ATF7IP: variants seen among roughly 807,000 people sequenced by gnomAD.
ATF7IP encodes the protein activating transcription factor 7-interacting protein 1.
In ATF7IP, 23 loss-of-function variants were observed where a neutral mutation model predicts 106.4. The ratio of observed to expected loss-of-function variants is 0.22; its 90% CI spans 0.16 to 0.31. ATF7IP has a LOEUF of 0.31. ATF7IP is among the 10% of genes least tolerant of loss of function. ATF7IP has a pLI of 1.00. For missense variants in ATF7IP, 1,334 were observed against 1,524.3 expected (o/e 0.88, Z 2.08); for synonymous variants, 542 against 539.0 (o/e 1.01, Z -0.08).
At chr12:14,494,922 G>T (rs1334913671) in intron 13 of ATF7IP, among the ~76,000 whole-genome samples, 1 of 109,844 alleles carries the variant, frequency 9.1e-6, no homozygotes, top group African/African-American at 3.5e-5. Flanking sequence ...AACAGAGCCA[G>T]ACTCTGTCTC....
intron 5 of ATF7IP, among the ~76,000 whole-genome samples, chr12:14,445,058 C>T (rs1276280659): frequency 7.0e-6 from 1 of 142,126 alleles, no homozygotes; most frequent in Non-Finnish European, 1.5e-5. Flanking sequence ...GTGGTGCGAT[C>T]TCGGCTCACT....
intron 9 of ATF7IP, among the ~76,000 whole-genome samples, chr12:14,465,049 T>A (rs1029336123): frequency 1.3e-5 from 2 of 151,864 alleles, no homozygotes; most frequent in African/African-American, 4.8e-5. Flanking sequence ...AAGCAGGTCT[T>A]TACTAAGTAA....
rs567077220 is a variant in ATF7IP, at chr12:14,425,149, G to A, written c.1234G>A (p.Glu412Lys). Reference sequence around the variant, plus strand: ...TGCAGATCTTGTAGAAACGATTAATGAAAATGTTATTGAAGATAACAAAAG... The same window carrying A: ...TGCAGATCTTGTAGAAACGATTAATAAAAATGTTATTGAAGATAACAAAAG... ...TSADLVETIN[E>K]NVIEDNKSEN... The change falls in exon 2 of 15, where the codon GAA becomes AAA. Residue 412 changes from glutamate to lysine, a missense_variant. This residue lies in a region of ATF7IP where 438 missense variants were observed against 405.3 expected (regional missense o/e 1.08). Transcript: ENST00000261168. The A allele has an allele frequency of 3.5e-5, 55 of 1,593,250 alleles. No individual in the cohort carries two copies. The South Asian group carries it at 6.3e-4, about 18-fold the overall frequency.
chr12:14,432,077 T>C (rs919031434), intron 2 of ATF7IP, among the ~76,000 whole-genome samples: 1 of 152,168 alleles, frequency 6.6e-6, no homozygotes, highest in Non-Finnish European at 1.5e-5. Context: ...TGAAGAAATC[T>C]CAAGCTGAGC....
At chr12:14,402,872 A>G (rs1163809098) in intron 1 of ATF7IP, among the ~76,000 whole-genome samples, 1 of 152,134 alleles carries the variant, frequency 6.6e-6, no homozygotes, top group Non-Finnish European at 1.5e-5. Context: ...TACTAGGATT[A>G]CAGTCATGAG....
chr12:14,393,248 G>C (rs1017571644), intron 1 of ATF7IP, among the ~76,000 whole-genome samples: 1 of 152,128 alleles, frequency 6.6e-6, no homozygotes, highest in Non-Finnish European at 1.5e-5. Flanking sequence ...TATATAATAA[G>C]TGATTTCTTT....
intron 2 of ATF7IP, among the ~76,000 whole-genome samples, chr12:14,428,495 C>T (rs989520223): frequency 1.3e-5 from 2 of 152,110 alleles, no homozygotes; most frequent in African/African-American, 4.8e-5. Flanking sequence ...AAACTGTACT[C>T]TGTTCTCTTT....
chr12:14,463,295 TC>T (rs1264468472), intron 9 of ATF7IP, among the ~76,000 whole-genome samples: 2 of 152,154 alleles, frequency 1.3e-5, no homozygotes, highest in African/African-American at 4.8e-5. Flanking sequence ...GCTAAGTATA[TC>T]CTTATGGATT....
In ATF7IP at chr12:14,439,840, AATCCATCCATCCATCCATCC is replaced by A. The variant is rs34509750; in HGVS notation, c.1929+1602_1929+1621del. 1.7e-4 allele frequency among the ~76,000 whole-genome samples: 26 copies of A among 148,602 alleles called. No homozygotes were observed. In the East Asian group the frequency reaches 3.0e-3, roughly 17 times the overall value. ...AGAGTGAGACTCTGTCTCCAAAATA[AATCCATCCATCCATCCATCC>A]ATCCATCCATCCATCCATCCATCCA... is the stretch of plus-strand genomic sequence containing the variant. On this transcript the variant is annotated intron_variant, in intron 5 of 14. Coordinates refer to ENST00000261168, the MANE Select transcript of ATF7IP (RefSeq NM_018179.5).
chr12:14,468,348 A>C (rs1239567377), intron 10 of ATF7IP, among the ~76,000 whole-genome samples: 2 of 151,814 alleles, frequency 1.3e-5, no homozygotes, highest in African/African-American at 4.8e-5. Flanking sequence ...GATATAATAT[A>C]AGACACTTGA....
intron 1 of ATF7IP, among the ~76,000 whole-genome samples, chr12:14,419,664 G>A (rs1450890861): frequency 6.6e-6 from 1 of 152,046 alleles, no homozygotes; most frequent in African/African-American, 2.4e-5. Flanking sequence ...GCAAAACTTT[G>A]TAATGATGGG....
chr12:14,368,188 T>G (rs1938385427), intron 1 of ATF7IP, among the ~76,000 whole-genome samples: 1 of 152,106 alleles, frequency 6.6e-6, no homozygotes, highest in Non-Finnish European at 1.5e-5. Flanking sequence ...AAATAACCAC[T>G]CTAAAGGTAT....
Position 14,478,346 on chromosome 12 carries a change from T to C in ATF7IP, c.2971T>C (p.Ser991Pro). Residue 991 changes from serine to proline, a missense_variant, in exon 12 of 15, where the codon TCA (serine) becomes CCA (proline). By Grantham distance (74) the Ser-to-Pro change is moderately conservative. This residue lies in a region of ATF7IP where 370 missense variants were observed against 401.2 expected (regional missense o/e 0.92). Coordinates refer to ENST00000261168, the MANE Select transcript of ATF7IP (RefSeq NM_018179.5). ...DPKKLNHTPV[S>P]TMSSSQPVSR... is the part of the protein sequence containing the mutation. Reference sequence around the variant, plus strand: ...CAAAAAACTAAATCACACTCCTGTATCAACCATGAGTTCTTCTCAGCCTGT... The same window carrying C: ...CAAAAAACTAAATCACACTCCTGTACCAACCATGAGTTCTTCTCAGCCTGT... 1.2e-6 allele frequency: 2 copies of C among 1,614,040 alleles called. No individual in the cohort carries two copies. The highest frequency in any genetic ancestry group is 1.7e-6 in the Non-Finnish European group (2 of 1,179,926).
chr12:14,424,057 C>T lies in ATF7IP; in HGVS notation c.142C>T (p.His48Tyr). 3 of 1,614,076 alleles carry T rather than the reference C, an allele frequency of 1.9e-6. No individual in the cohort carries two copies. The highest frequency in any genetic ancestry group is 2.5e-6 in the Non-Finnish European group (3 of 1,180,010). The stretch of plus-strand genomic sequence containing the variant: ...TGATGTCAAGCTGTTAAATGGCAAC[C>T]ATGAAAATGGAGATTTGGACCCAAC... ...KTDVKLLNGN[H>Y]ENGDLDPTSP... The change falls in exon 2 of 15, where the codon CAT (histidine) becomes TAT (tyrosine). Residue 48 changes from histidine (H) to tyrosine (Y), a missense_variant. Physicochemically the swap from His to Tyr is moderately conservative, Grantham distance 83. Around this residue, in one of 10 missense-constraint regions of ATF7IP, gnomAD observed 74 missense variants for 101.9 expected, o/e 0.73. Transcript: ENST00000261168.
intron 10 of ATF7IP, among the ~76,000 whole-genome samples, chr12:14,468,637 ACAAG>A (rs1943925112): frequency 1.3e-5 from 2 of 152,220 alleles, no homozygotes; most frequent in African/African-American, 2.4e-5. Context: ...AAAAATGCGT[ACAAG>A]CAGTTTGAGC....
At chr12:14,445,596 C>T (rs1942922187) in intron 5 of ATF7IP, among the ~76,000 whole-genome samples, 2 of 152,130 alleles carry the variant, frequency 1.3e-5, no homozygotes, top group Admixed American at 6.5e-5. Flanking sequence ...GCCTTAATAA[C>T]ATGCATAAAT....
chr12:14,416,789 C>CT, intron 1 of ATF7IP: 4 of 386,624 alleles, frequency 1.0e-5, no homozygotes, highest in Non-Finnish European at 1.4e-5. Context: ...GTTTGTGACA[C>CT]TGATGTCTGA....
chr12:14,461,722 T>C (rs917740625), intron 9 of ATF7IP, among the ~76,000 whole-genome samples: 1 of 152,212 alleles, frequency 6.6e-6, no homozygotes, highest in African/African-American at 2.4e-5. Flanking sequence ...CACTTGATTA[T>C]ACCTGTTTAA....
chr12:14,441,778 C>T (rs1433615695), intron 5 of ATF7IP, among the ~76,000 whole-genome samples: 16 of 152,086 alleles, frequency 1.1e-4, no homozygotes, highest in African/African-American at 2.2e-4. Flanking sequence ...CGTGAGCCAC[C>T]GCGCCCTGCC....
Sources: allele counts gnomAD v4.1 joint callset (sites outside exome capture counted in the v4.1 genomes callset), GRCh38; gene constraint gnomAD v4.1.1; regional missense constraint gnomAD v4.1.1; transcripts MANE v1.5; gene names NCBI Gene and HGNC (gene_info 2026-07-23, HGNC 2026-07-21).